Variants in KCNJ3 observed in about 807,000 individuals in gnomAD.
The protein encoded by KCNJ3 is G protein-activated inward rectifier potassium channel 1.
In KCNJ3, 4 loss-of-function variants were observed where a neutral mutation model predicts 39.2. That is an observed-to-expected ratio of 0.10 (90% CI 0.05 to 0.23). KCNJ3 has a LOEUF of 0.23. Ranked by LOEUF, KCNJ3 falls within the 10% of genes least tolerant of loss-of-function variation. The pLI, the probability that KCNJ3 is intolerant of heterozygous loss-of-function variation, is 1.00. For missense variants in KCNJ3, 276 were observed against 634.9 expected (o/e 0.43, Z 6.08); for synonymous variants, 230 against 237.4 (o/e 0.97, Z 0.29).
intron 2 of KCNJ3, among the ~76,000 whole-genome samples, chr2:154,836,642 T>A (rs1277244813): frequency 6.6e-6 from 1 of 152,212 alleles, no homozygotes; most frequent in Non-Finnish European, 1.5e-5. Flanking sequence ...ATTATTATTG[T>A]GATGCATTTT....
intron 2 of KCNJ3, among the ~76,000 whole-genome samples, chr2:154,731,444 T>C (rs1685447421): frequency 6.6e-6 from 1 of 152,096 alleles, no homozygotes; most frequent in Non-Finnish European, 1.5e-5. Context: ...TTTTCTGTTT[T>C]GTGAATAAGA....
chr2:154,755,899 T>A (rs972967605), intron 2 of KCNJ3, among the ~76,000 whole-genome samples: 2 of 152,106 alleles, frequency 1.3e-5, no homozygotes, highest in Non-Finnish European at 2.9e-5. Context: ...TTTTTTCATG[T>A]GTGAAATAGG....
rs754470933 is a variant in KCNJ3, at chr2:154,698,697, C to T, written c.-79C>T. ...GCCCCCTTTCCTCCCCCGCCCCCAC[C>T]TCCTTATTGGTGCTAGTTTGCAGCG... On this transcript the variant is annotated 5_prime_UTR_variant, in exon 1 of 3. Coordinates refer to ENST00000295101, the MANE Select transcript of KCNJ3 (RefSeq NM_002239.4). 5.4e-5 allele frequency: 38 copies of T among 703,232 alleles called. No homozygotes were observed. The highest frequency in any genetic ancestry group is 7.7e-5 in the Admixed American group (3 of 39,030). The allele number at this position is 703,232 out of a possible 1,614,324, so 43.6% of individuals were successfully genotyped here.
At chr2:154,770,924 T>C (rs576749357) in intron 2 of KCNJ3, among the ~76,000 whole-genome samples, 17 of 149,044 alleles carry the variant, frequency 1.1e-4, no homozygotes, top group Non-Finnish European at 1.8e-4. Flanking sequence ...GGAGTCTTTC[T>C]CTGTTGCCCA....
chr2:154,844,223 A>C (rs934204483), intron 2 of KCNJ3, among the ~76,000 whole-genome samples: 1 of 152,052 alleles, frequency 6.6e-6, no homozygotes, highest in African/African-American at 2.4e-5. Flanking sequence ...GGTTTGTTGG[A>C]GATTGCTGGA....
intron 2 of KCNJ3, among the ~76,000 whole-genome samples, chr2:154,847,697 CAT>C (rs778785884): frequency 1.3e-5 from 2 of 152,152 alleles, no homozygotes; most frequent in Non-Finnish European, 2.9e-5. Context: ...ATGTAGTTTA[CAT>C]ATGTCACTTA....
In KCNJ3 at chr2:154,856,173, A is replaced by C. The variant is rs1687835180; in HGVS notation, c.*860A>C. ...ATAATTGTTGATTAATTTGAGAATT[A>C]TTCCTTTCCTAGACTAATTAAAATC... On this transcript the variant is annotated 3_prime_UTR_variant, in exon 3 of 3. Coordinates refer to ENST00000295101, the MANE Select transcript of KCNJ3 (RefSeq NM_002239.4). The C allele has an allele frequency of 6.6e-6, 1 of 152,602 alleles. No individual in the cohort carries two copies. Among genetic ancestry groups the C allele is most frequent in the Admixed American group, 6.5e-5 (1 of 15,276 alleles). 9.5% of individuals were successfully genotyped at this position (152,602 alleles called of 1,614,324 possible). A position where few individuals can be genotyped will look rare whatever the true frequency, so the allele number is the denominator to read the frequency against.
chr2:154,776,871 A>C (rs1198258702), intron 2 of KCNJ3, among the ~76,000 whole-genome samples: 2 of 152,014 alleles, frequency 1.3e-5, no homozygotes, highest in Admixed American at 6.6e-5. Context: ...ATAGAAAAAA[A>C]AATCCCTCTA....
chr2:154,827,593 T>C (rs1432911126), intron 2 of KCNJ3, among the ~76,000 whole-genome samples: 1 of 152,104 alleles, frequency 6.6e-6, no homozygotes, highest in East Asian at 1.9e-4. Flanking sequence ...CAACAGACTC[T>C]AAACCTCTGG....
intron 2 of KCNJ3, among the ~76,000 whole-genome samples, chr2:154,811,964 T>C (rs897646540): frequency 1.2e-4 from 18 of 152,122 alleles, no homozygotes; most frequent in Admixed American, 6.6e-4. Flanking sequence ...CAGTTTTCAA[T>C]TGTTGGGCAA....
At chr2:154,792,565 C>T (rs1468001191) in intron 2 of KCNJ3, among the ~76,000 whole-genome samples, 2 of 152,086 alleles carry the variant, frequency 1.3e-5, no homozygotes, top group Non-Finnish European at 2.9e-5. Flanking sequence ...CCCCATATCA[C>T]ACGTATTGAA....
chr2:154,735,193 T>C (rs140088868), intron 2 of KCNJ3, among the ~76,000 whole-genome samples: 2,682 of 151,636 alleles, frequency 0.018, 56 homozygotes, highest in East Asian at 0.11. Context: ...TTCACACCAT[T>C]CTCCTGCCTC....
chr2:154,739,331 A>T (rs1405890468), intron 2 of KCNJ3, among the ~76,000 whole-genome samples: 4 of 152,016 alleles, frequency 2.6e-5, no homozygotes, highest in Non-Finnish European at 5.9e-5. Flanking sequence ...AGCACAAGAT[A>T]TTTTTTCTTT....
intron 2 of KCNJ3, among the ~76,000 whole-genome samples, chr2:154,728,165 A>C (rs1685391369): frequency 1.3e-5 from 2 of 152,014 alleles, no homozygotes; most frequent in South Asian, 4.1e-4. Context: ...ATCATATTGC[A>C]TATGTATTAG....
chr2:154,826,960 T>C (rs1687282521), intron 2 of KCNJ3, among the ~76,000 whole-genome samples: 1 of 152,266 alleles, frequency 6.6e-6, no homozygotes, highest in African/African-American at 2.4e-5. Context: ...GCATATGTGA[T>C]TTGGGGACCT....
At position 154,750,097 on chromosome 2, in the gene KCNJ3, G is replaced by T. The variant is rs146537323; in HGVS notation, c.919+40278G>T. ...AAGTATGTCCTCTTATTAAGGTGTT[G>T]CATTTCCAGAAGTTATATTTTTTCT... On this transcript the variant is annotated intron_variant, in intron 2 of 2. Coordinates refer to ENST00000295101, the MANE Select transcript of KCNJ3 (RefSeq NM_002239.4). Among the ~76,000 whole-genome samples, 70 of 152,048 alleles carry T rather than the reference G, an allele frequency of 4.6e-4. No individual in the cohort carries two copies. The East Asian group carries it at 0.013, about 29-fold the overall frequency.
intron 2 of KCNJ3, among the ~76,000 whole-genome samples, chr2:154,763,079 A>C (rs1289841405): frequency 6.6e-6 from 1 of 152,232 alleles, no homozygotes. Flanking sequence ...TAATATAATG[A>C]CAATACCCAT....
At chr2:154,814,720 A>G (rs1687055633) in intron 2 of KCNJ3, among the ~76,000 whole-genome samples, 1 of 152,178 alleles carries the variant, frequency 6.6e-6, no homozygotes, top group African/African-American at 2.4e-5. Context: ...AATTTACAAA[A>G]ATCATTTTTA....
At chr2:154,789,553 G>A (rs1165018524) in intron 2 of KCNJ3, among the ~76,000 whole-genome samples, 1 of 152,038 alleles carries the variant, frequency 6.6e-6, no homozygotes, top group Non-Finnish European at 1.5e-5. Flanking sequence ...TCATTCAAAT[G>A]TTAGATATTA....
Sources: allele counts gnomAD v4.1 joint callset (sites outside exome capture counted in the v4.1 genomes callset), GRCh38; gene constraint gnomAD v4.1.1; transcripts MANE v1.5; gene names NCBI Gene and HGNC (gene_info 2026-07-23, HGNC 2026-07-21).